RIMS2: variants seen among roughly 807,000 people sequenced by gnomAD.
The protein encoded by RIMS2 is regulating synaptic membrane exocytosis 2.
RIMS2 carries 59 observed loss-of-function variants against 174.4 expected under a neutral mutation model. That is an observed-to-expected ratio of 0.34 (90% CI 0.27 to 0.42). The LOEUF (loss-of-function observed/expected upper bound fraction) is 0.42. Among genes scored for constraint, RIMS2 ranks in the 10% least tolerant of loss-of-function variants. The pLI, the probability that RIMS2 is intolerant of heterozygous loss-of-function variation, is 1.00. For synonymous variants in RIMS2, 606 were observed against 572.5 expected (o/e 1.06, Z -0.84); for missense variants, 1,620 against 1,666.3 (o/e 0.97, Z 0.48).
At chr8:103,926,314 T>C (rs1397776678) in intron 10 of RIMS2, among the ~76,000 whole-genome samples, 1 of 151,598 alleles carries the variant, frequency 6.6e-6, no homozygotes, top group East Asian at 1.9e-4. Context: ...TGTCATTTGC[T>C]AAAGCATTAT....
At position 103,613,641 on chromosome 8, in the gene RIMS2, G is replaced by A. The variant is rs145652276; in HGVS notation, c.177-83445G>A. 4.7e-3 allele frequency among the ~76,000 whole-genome samples: 714 copies of A among 152,218 alleles called. 4 individuals are homozygous for A. The highest frequency in any genetic ancestry group is 7.9e-3 in the Non-Finnish European group (534 of 68,018). ...ACAGAAGTATTTCACTATAGCCACC[G>A]CAGCTGGGAATGTCCTATAGTCAGT... On this transcript the variant is annotated intron_variant, in intron 1 of 23. Coordinates refer to ENST00000504942, the Ensembl canonical transcript of RIMS2.
At chr8:103,803,950 T>TA (rs2098632924) in intron 3 of RIMS2, among the ~76,000 whole-genome samples, 2 of 152,182 alleles carry the variant, frequency 1.3e-5, no homozygotes, top group Non-Finnish European at 2.9e-5. Context: ...GACATCTTGA[T>TA]AACAGCCTTC....
In RIMS2 at chr8:104,147,624, A is replaced by G. The variant is rs140909997; in HGVS notation, c.3335-97292A>G. On this transcript the variant is annotated intron_variant, in intron 19 of 23. Transcript: ENST00000504942. ...TTTTTTATTACTTTATGTATTAAAC[A>G]TTCATTATCAGAACCAAAGTAAAAC... 7.9e-4 allele frequency among the ~76,000 whole-genome samples: 121 copies of G among 152,304 alleles called. 2 individuals carry two copies. In the East Asian group the frequency reaches 0.016, roughly 20 times the overall value.
intron 3 of RIMS2, among the ~76,000 whole-genome samples, chr8:103,818,370 T>C (rs1022505617): frequency 8.5e-5 from 13 of 152,202 alleles, no homozygotes; most frequent in African/African-American, 2.9e-4. Flanking sequence ...GTTTACACAC[T>C]AGTTTTAGAG....
At chr8:104,109,322 T>G (rs866472666) in intron 19 of RIMS2, among the ~76,000 whole-genome samples, 4 of 124,126 alleles carry the variant, frequency 3.2e-5, no homozygotes, top group Non-Finnish European at 5.2e-5. Context: ...AAAAAAGAAA[T>G]AATGCTCTAA....
intron 14 of RIMS2, among the ~76,000 whole-genome samples, chr8:103,948,498 A>C (rs953451018): frequency 6.6e-6 from 1 of 152,248 alleles, no homozygotes; most frequent in African/African-American, 2.4e-5. Flanking sequence ...ATAACAAGAA[A>C]GAAGATACGG....
At chr8:103,888,502 A>G (rs989692856) in intron 4 of RIMS2, among the ~76,000 whole-genome samples, 2 of 151,560 alleles carry the variant, frequency 1.3e-5, no homozygotes, top group African/African-American at 2.4e-5. Flanking sequence ...AAGAAAAAAG[A>G]TAGTTTTGTT....
intron 3 of RIMS2, among the ~76,000 whole-genome samples, chr8:103,868,398 CTCTT>C (rs970818394): frequency 2.6e-5 from 4 of 151,930 alleles, no homozygotes; most frequent in African/African-American, 9.7e-5. Flanking sequence ...ACAATATAGA[CTCTT>C]TACTCTCTGG....
At chr8:103,500,748 G>A (rs549933039) in exon 1 of RIMS2, 2 of 544,446 alleles carry the variant, frequency 3.7e-6, no homozygotes, top group Admixed American at 3.5e-5. Flanking sequence ...GGGGAGGGGG[G>A]CTGTCGCCTT....
chr8:103,834,332 C>CTTTTTTTTTTTTT (rs397892077), intron 3 of RIMS2, among the ~76,000 whole-genome samples: 13 of 119,258 alleles, frequency 1.1e-4, no homozygotes, highest in Non-Finnish European at 1.7e-4. Context: ...TTTTCTTTTT[C>CTTTTTTTTTTTTT]TTTTTTTTTT....
chr8:104,108,333 T>G (rs1247094026), intron 19 of RIMS2, among the ~76,000 whole-genome samples: 1 of 152,156 alleles, frequency 6.6e-6, no homozygotes, highest in Non-Finnish European at 1.5e-5. Context: ...ATATGATTAC[T>G]GCATGCCATA....
chr8:103,957,905 G>A (rs1354893436), intron 14 of RIMS2, among the ~76,000 whole-genome samples: 1 of 152,128 alleles, frequency 6.6e-6, no homozygotes, highest in Non-Finnish European at 1.5e-5. Flanking sequence ...AAGAATAACA[G>A]ATGCTGGCAA....
At chr8:104,204,288 TC>T (rs1366421275) in intron 19 of RIMS2, among the ~76,000 whole-genome samples, 1 of 152,244 alleles carries the variant, frequency 6.6e-6, no homozygotes, top group African/African-American at 2.4e-5. Flanking sequence ...GTGTTAATAA[TC>T]TTCGTGATAT....
At chr8:103,592,335 G>A (rs1199641701) in intron 1 of RIMS2, among the ~76,000 whole-genome samples, 1 of 151,018 alleles carries the variant, frequency 6.6e-6, no homozygotes, top group Admixed American at 6.6e-5. Context: ...TTCCATTTCA[G>A]AGTGTTTATT....
chr8:103,685,012 A>G (rs1182182491), intron 1 of RIMS2, among the ~76,000 whole-genome samples: 1 of 151,396 alleles, frequency 6.6e-6, no homozygotes, highest in African/African-American at 2.4e-5. Flanking sequence ...TAGCCATTAT[A>G]TTTAGTTTTA....
chr8:104,251,955 C>T (rs1247491657), downstream of RIMS2: 3 of 634,084 alleles, frequency 4.7e-6, no homozygotes, highest in South Asian at 5.8e-5. Flanking sequence ...ACAAAGCAAT[C>T]CTGTGTTCTC....
chr8:103,761,508 C>T (rs2098112858), intron 2 of RIMS2, among the ~76,000 whole-genome samples: 1 of 152,188 alleles, frequency 6.6e-6, no homozygotes, highest in Non-Finnish European at 1.5e-5. Flanking sequence ...TTTCCTGTGG[C>T]TTCCTTATCT....
intron 19 of RIMS2, among the ~76,000 whole-genome samples, chr8:104,137,322 G>C (rs1237303455): frequency 6.6e-6 from 1 of 152,006 alleles, no homozygotes; most frequent in Non-Finnish European, 1.5e-5. Flanking sequence ...CCATATTCTA[G>C]ACATTGTGCT....
intron 1 of RIMS2, among the ~76,000 whole-genome samples, chr8:103,542,297 T>A (rs1356276043): frequency 6.6e-6 from 1 of 152,052 alleles, no homozygotes; most frequent in Non-Finnish European, 1.5e-5. Context: ...CATGAAGAAA[T>A]AGAAAAGCTA....
Sources: gnomAD v4.1 joint callset for allele counts (sites outside exome capture counted in the v4.1 genomes callset) on GRCh38, gnomAD v4.1.1 for gene constraint, MANE v1.5 for transcripts, NCBI Gene and HGNC (gene_info 2026-07-23, HGNC 2026-07-21) for gene names.